BCO2: variants seen among roughly 807,000 people sequenced by gnomAD.
BCO2 encodes carotenoid-cleaving dioxygenase, mitochondrial.
In BCO2, 56 loss-of-function variants were observed where a neutral mutation model predicts 65.8. That is an observed-to-expected ratio of 0.85 (90% CI 0.69 to 1.06). The LOEUF (loss-of-function observed/expected upper bound fraction) is 1.06. Among genes scored for constraint, BCO2 ranks in the 50% least tolerant of loss-of-function variants. The pLI is 0.00. For missense variants in BCO2, 675 were observed against 698.5 expected (o/e 0.97, Z 0.38); for synonymous variants, 233 against 242.3 (o/e 0.96, Z 0.36).
At chr11:112,186,846 CA>C (rs1290239256) in intron 2 of BCO2, among the ~76,000 whole-genome samples, 1 of 152,086 alleles carries the variant, frequency 6.6e-6, no homozygotes, top group Non-Finnish European at 1.5e-5. Flanking sequence ...AAAAATTAAA[CA>C]AAAGTAAAAA....
chr11:112,213,611 T>G (rs568882191), intron 8 of BCO2, 113 bp from the exon 9 acceptor site: 3 of 1,148,266 alleles, frequency 2.6e-6, no homozygotes, highest in East Asian at 4.7e-5. Flanking sequence ...GAATGGAAAT[T>G]ATCATTTATT....
In BCO2 at chr11:112,194,678, T is replaced by C; in HGVS notation, c.659T>C (p.Val220Ala). The change falls in exon 5 of 12, where the codon GTG (valine) becomes GCG (alanine). Residue 220 changes from valine (V) to alanine (A), a missense_variant. By Grantham distance (64) the Val-to-Ala change is moderately conservative. Transcript: ENST00000357685. ...EKVDWSKFIA[V>A]NGATAHPHYD... ...GTAGATTGGAGCAAATTTATTGCTG[T>C]GAATGGAGCAACTGCACATCCTCAT... is the stretch of plus-strand genomic sequence containing the variant. The C allele has an allele frequency of 6.2e-7, 1 of 1,613,180 alleles. No homozygotes were observed. Among genetic ancestry groups the C allele is most frequent in the Non-Finnish European group, 8.5e-7 (1 of 1,179,450 alleles).
chr11:112,217,233 A>G (rs1859705000), intron 11 of BCO2, among the ~76,000 whole-genome samples: 2 of 152,238 alleles, frequency 1.3e-5, no homozygotes, highest in African/African-American at 4.8e-5. Context: ...TTTAGCCATG[A>G]TATCCTTTCC....
chr11:112,217,669 C>A (rs1044136545), intron 11 of BCO2, 92 bp from the exon 12 acceptor site: 190 of 841,388 alleles, frequency 2.3e-4, no homozygotes, highest in Non-Finnish European at 3.8e-5. Context: ...CCAACATGGT[C>A]TCTCCATTAG....
intron 2 of BCO2, 76 bp downstream of exon 2, chr11:112,179,558 T>G (rs1866974178): frequency 7.9e-7 from 1 of 1,266,764 alleles, no homozygotes; most frequent in African/African-American, 1.5e-5. Context: ...TAATATCTGC[T>G]TCCTCTGTGA....
chr11:112,179,543 T>TGG, intron 2 of BCO2, 61 bp downstream of exon 2: 1 of 1,398,546 alleles, frequency 7.2e-7, no homozygotes, highest in Non-Finnish European at 1.0e-6. Flanking sequence ...CTGTGGAATA[T>TGG]GCATTAATAT....
At chr11:112,213,981 T>A in intron 9 of BCO2, 120 bp downstream of exon 9, 1 of 798,108 alleles carries the variant, frequency 1.3e-6, no homozygotes, top group Non-Finnish European at 1.9e-6. Flanking sequence ...CCGAGCAGGT[T>A]AAGGTTATGT....
intron 8 of BCO2, 56 bp downstream of exon 8, chr11:112,202,246 G>T: frequency 1.4e-6 from 2 of 1,464,302 alleles, no homozygotes; most frequent in South Asian, 2.6e-5. Flanking sequence ...CCAAGATCTG[G>T]CTTTGGCTTT....
intron 1 of BCO2, among the ~76,000 whole-genome samples, chr11:112,177,237 CCTT>C (rs2135341713): frequency 6.6e-6 from 1 of 152,168 alleles, no homozygotes; most frequent in African/African-American, 2.4e-5. Context: ...CTGAGAGTTT[CCTT>C]CTCTATCTTT....
At chr11:112,183,713 A>G (rs1224092765) in intron 2 of BCO2, among the ~76,000 whole-genome samples, 1 of 152,240 alleles carries the variant, frequency 6.6e-6, no homozygotes, top group Non-Finnish European at 1.5e-5. Flanking sequence ...GTCACACTGT[A>G]TGAATATGGT....
At chr11:112,178,231 T>C (rs921075520) in intron 1 of BCO2, among the ~76,000 whole-genome samples, 4 of 152,060 alleles carry the variant, frequency 2.6e-5, no homozygotes, top group African/African-American at 9.7e-5. Context: ...TTCTTAGAAC[T>C]AGAGAAAAGG....
intron 10 of BCO2, 96 bp downstream of exon 10, chr11:112,215,040 G>A (rs759453116): frequency 8.2e-7 from 1 of 1,215,876 alleles, no homozygotes; most frequent in Non-Finnish European, 1.2e-6. Flanking sequence ...AGATTCTTCA[G>A]TATTTAAGCA....
rs774276400 is a variant in BCO2, at chr11:112,194,686, G to A, written c.667G>A (p.Ala223Thr). ...DWSKFIAVNGATAHPHYDLDG... is the reference protein window; with the variant it reads ...DWSKFIAVNGTTAHPHYDLDG... ...GAGCAAATTTATTGCTGTGAATGGA[G>A]CAACTGCACATCCTCATTATGACCT... The change falls in exon 5 of 12, where the codon GCA (alanine) becomes ACA (threonine). Residue 223 changes from alanine (A) to threonine (T), a missense_variant. Physicochemically the swap from Ala to Thr is moderately conservative, Grantham distance 58 (BLOSUM62 0). Transcript: ENST00000357685. 1.9e-6 allele frequency: 3 copies of A among 1,613,268 alleles called. No individual in the cohort carries two copies. The highest frequency in any genetic ancestry group is 4.5e-5 in the East Asian group (2 of 44,860).
At chr11:112,200,128 A>G (rs1214808353) in intron 6 of BCO2, among the ~76,000 whole-genome samples, 6 of 152,182 alleles carry the variant, frequency 3.9e-5, no homozygotes, top group African/African-American at 1.4e-4. Context: ...CATACATGAA[A>G]ATGTTGTCTT....
intron 2 of BCO2, among the ~76,000 whole-genome samples, chr11:112,193,073 G>C (rs1291928363): frequency 6.7e-6 from 1 of 149,968 alleles, no homozygotes; most frequent in Non-Finnish European, 1.5e-5. Context: ...CGCCTCCCAG[G>C]TTCACGCCAT....
intron 8 of BCO2, among the ~76,000 whole-genome samples, chr11:112,204,014 T>C (rs1005105820): frequency 1.3e-5 from 2 of 152,004 alleles, no homozygotes; most frequent in African/African-American, 4.8e-5. Flanking sequence ...CCAACATGTC[T>C]GGCTAATTTT....
At chr11:112,202,921 G>A (rs1299584206) in intron 8 of BCO2, among the ~76,000 whole-genome samples, 1 of 151,824 alleles carries the variant, frequency 6.6e-6, no homozygotes, top group Non-Finnish European at 1.5e-5. Flanking sequence ...GTGGTGGTGG[G>A]TGCCTGTAAT....
intron 8 of BCO2, among the ~76,000 whole-genome samples, chr11:112,202,724 A>G (rs969406550): frequency 6.6e-6 from 1 of 152,204 alleles, no homozygotes; most frequent in African/African-American, 2.4e-5. Flanking sequence ...AGTAAGAAAC[A>G]TGGCAAAGAG....
intron 1 of BCO2, among the ~76,000 whole-genome samples, chr11:112,178,417 A>C (rs12796114): frequency 0.18 from 27,125 of 152,238 alleles, 2,989 homozygotes; most frequent in Non-Finnish European, 0.25. Context: ...AAAAGAATGC[A>C]AATCTCACTT....
Sources: allele counts gnomAD v4.1 joint callset (sites outside exome capture counted in the v4.1 genomes callset), GRCh38; gene constraint gnomAD v4.1.1; transcripts MANE v1.5; gene names NCBI Gene and HGNC (gene_info 2026-07-23, HGNC 2026-07-21).